CCDC158: variants seen among roughly 807,000 people sequenced by gnomAD.
CCDC158 encodes the protein coiled-coil domain containing 158.
In CCDC158, 116 loss-of-function variants were observed where a neutral mutation model predicts 138.6. The observed-to-expected ratio is 0.84, with a 90% confidence interval of 0.72 to 0.98. The LOEUF (loss-of-function observed/expected upper bound fraction) is 0.98, where lower values mean the gene tolerates loss of function less well. Among genes scored for constraint, CCDC158 ranks in the 50% least tolerant of loss-of-function variants. The pLI, the probability that CCDC158 is intolerant of heterozygous loss-of-function variation, is 0.00. For synonymous variants in CCDC158, 436 were observed against 442.4 expected, an observed-to-expected ratio of 0.99 and a Z score of 0.18; for missense variants, 1,265 against 1,306.1, an observed-to-expected ratio of 0.97 and a Z score of 0.48.
intron 2 of CCDC158, among the ~76,000 whole-genome samples, chr4:76,411,656 T>C (rs1579113263): frequency 6.6e-6 from 1 of 152,200 alleles, no homozygotes; most frequent in South Asian, 2.1e-4. Flanking sequence ...ATATGGAAGA[T>C]GCACAGAACT....
intron 8 of CCDC158, among the ~76,000 whole-genome samples, chr4:76,381,640 C>G (rs891296289): frequency 5.3e-5 from 8 of 152,158 alleles, no homozygotes; most frequent in African/African-American, 1.9e-4. Flanking sequence ...TGAGTTAATG[C>G]TTAAATGAGT....
At chr4:76,410,035 A>C (rs1226093930) in intron 2 of CCDC158, among the ~76,000 whole-genome samples, 1 of 151,528 alleles carries the variant, frequency 6.6e-6, no homozygotes, top group African/African-American at 2.4e-5. Flanking sequence ...CTGGGTTCTG[A>C]CTCCTGCTCC....
chr4:76,333,727 T>C (rs1028729393), intron 19 of CCDC158, among the ~76,000 whole-genome samples: 3 of 152,302 alleles, frequency 2.0e-5, no homozygotes, highest in African/African-American at 7.2e-5. Context: ...TCAATAAGAT[T>C]ATGGATATAA....
Position 76,325,931 on chromosome 4 carries a change from G to T in CCDC158, c.3095C>A (p.Ser1032Ter). 1 of 1,613,406 alleles carries T rather than the reference G, an allele frequency of 6.2e-7. No individual in the cohort carries two copies. The highest frequency in any genetic ancestry group is 8.5e-7 in the Non-Finnish European group (1 of 1,179,388). The stretch of plus-strand genomic sequence containing the variant: ...TGTGGAACCTATTGAACCTTCAACT[G>T]AACTAGTTAGGAGTGAGTGCACTGG... ...KSPVHSLLTSSVEGSIGSTSQ... is the reference protein window; with the variant it reads ...KSPVHSLLTS The change falls in exon 23 of 25, where the codon TCA becomes TAA. Residue 1032 changes from serine to a stop codon, truncating the protein, a stop_gained. Transcript: ENST00000682701. LOFTEE classifies it high-confidence loss of function.
At chr4:76,421,312 C>T (rs1281294506), upstream of CCDC158, among the ~76,000 whole-genome samples, 2 of 152,086 alleles carry the variant, frequency 1.3e-5, no homozygotes, top group East Asian at 1.9e-4. Context: ...GCGACTCCGC[C>T]CGCCGGACGC....
chr4:76,413,317 T>A (rs1293012567), intron 1 of CCDC158, among the ~76,000 whole-genome samples: 1 of 151,326 alleles, frequency 6.6e-6, no homozygotes, highest in Non-Finnish European at 1.5e-5. Context: ...CTACAAAAAA[T>A]TTTAAAAATT....
At chr4:76,400,260 T>C (rs1257910437) in intron 3 of CCDC158, among the ~76,000 whole-genome samples, 3 of 151,994 alleles carry the variant, frequency 2.0e-5, no homozygotes, top group Admixed American at 6.6e-5. Context: ...TGTAGAGACA[T>C]GGATGAAGCT....
At chr4:76,341,054 C>A (rs963788053) in intron 18 of CCDC158, among the ~76,000 whole-genome samples, 6 of 152,072 alleles carry the variant, frequency 3.9e-5, no homozygotes, top group African/African-American at 1.4e-4. Context: ...TGGTTAGTTT[C>A]CTATTACATT....
At chr4:76,396,728 AAC>A in intron 3 of CCDC158, among the ~76,000 whole-genome samples, 1 of 151,304 alleles carries the variant, frequency 6.6e-6, no homozygotes, top group Non-Finnish European at 1.5e-5. Context: ...GCCATGGTGA[AAC>A]CATGGTCTGG....
chr4:76,413,143 AACC>A (rs1729422543), intron 1 of CCDC158, among the ~76,000 whole-genome samples: 2 of 151,672 alleles, frequency 1.3e-5, no homozygotes, highest in South Asian at 4.2e-4. Context: ...CGAAATGATA[AACC>A]ACCAAGATTT....
intron 16 of CCDC158, 149 bp downstream of exon 16, chr4:76,352,974 A>G: frequency 1.6e-6 from 1 of 608,098 alleles, no homozygotes; most frequent in South Asian, 3.3e-5. Context: ...CTCTAATAGG[A>G]TAGGGTTTTC....
chr4:76,341,643 T>G (rs1005918512), intron 18 of CCDC158, among the ~76,000 whole-genome samples: 2 of 152,236 alleles, frequency 1.3e-5, no homozygotes, highest in Non-Finnish European at 2.9e-5. Flanking sequence ...TAGCCTGTAT[T>G]TGAAATATTA....
intron 4 of CCDC158, among the ~76,000 whole-genome samples, chr4:76,388,540 A>G (rs1294003816): frequency 1.3e-5 from 2 of 152,194 alleles, no homozygotes; most frequent in Non-Finnish European, 2.9e-5. Flanking sequence ...CAGACTTTGT[A>G]TTGTGGTTTG....
intron 12 of CCDC158, among the ~76,000 whole-genome samples, chr4:76,366,717 G>A (rs1724705551): frequency 6.6e-6 from 1 of 151,868 alleles, no homozygotes; most frequent in Non-Finnish European, 1.5e-5. Flanking sequence ...AGAAAGTTCA[G>A]AAGGAGACCA....
chr4:76,334,695 C>T (rs1301693623), intron 18 of CCDC158, among the ~76,000 whole-genome samples: 1 of 151,918 alleles, frequency 6.6e-6, no homozygotes, highest in African/African-American at 2.4e-5. Context: ...GATAGTGTAC[C>T]CCAATAAATA....
intron 3 of CCDC158, chr4:76,401,304 AC>A: frequency 2.0e-6 from 1 of 496,638 alleles, no homozygotes; most frequent in Non-Finnish European, 4.0e-6. Context: ...TGTGGCAAGC[AC>A]CAACTCCACA....
At chr4:76,369,651 C>T in intron 10 of CCDC158, 28 bp from the exon 11 acceptor site, 3 of 1,571,882 alleles carry the variant, frequency 1.9e-6, no homozygotes, top group Admixed American at 3.4e-5. Context: ...TGCTTTTTTC[C>T]TCCCTGCTAT....
At chr4:76,367,849 A>G (rs1053896455) in intron 11 of CCDC158, 73 bp from the exon 12 acceptor site, 22 of 1,402,346 alleles carry the variant, frequency 1.6e-5, no homozygotes, top group Admixed American at 4.6e-5. Flanking sequence ...GATACAAGTT[A>G]ACTTAAAAGC....
At chr4:76,362,839 G>T (rs1473008961) in intron 12 of CCDC158, among the ~76,000 whole-genome samples, 10 of 152,140 alleles carry the variant, frequency 6.6e-5, no homozygotes, top group Non-Finnish European at 5.9e-5. Flanking sequence ...AAGAAGAGAA[G>T]AAAACAAACA....
Sources: gnomAD v4.1 joint callset for allele counts (sites outside exome capture counted in the v4.1 genomes callset) on GRCh38, gnomAD v4.1.1 for gene constraint, MANE v1.5 for transcripts, NCBI Gene and HGNC (gene_info 2026-07-23, HGNC 2026-07-21) for gene names.